The following TNS3 variants were observed in gnomAD, a reference collection of about 807,000 sequenced individuals.
TNS3 encodes the protein tensin-3.
TNS3 carries 45 observed loss-of-function variants against 140.9 expected under a neutral mutation model. The ratio of observed to expected loss-of-function variants is 0.32; its 90% CI spans 0.25 to 0.41. The LOEUF is 0.41. Among genes scored for constraint, TNS3 ranks in the 10% least tolerant of loss-of-function variants. TNS3 has a pLI of 1.00. For missense variants in TNS3, 1,716 were observed against 1,906.7 expected (o/e 0.90, Z 1.86); for synonymous variants, 815 against 788.4 (o/e 1.03, Z -0.56).
chr7:47,495,351 AG>A (rs1198616455), intron 3 of TNS3, among the ~76,000 whole-genome samples: 1 of 152,160 alleles, frequency 6.6e-6, no homozygotes, highest in Non-Finnish European at 1.5e-5. Flanking sequence ...CCTGTGGTCT[AG>A]GGGGCTGAGA....
intron 20 of TNS3, among the ~76,000 whole-genome samples, chr7:47,321,322 G>T (rs17594569): frequency 0.058 from 8,851 of 152,116 alleles, 372 homozygotes; most frequent in South Asian, 0.13. Flanking sequence ...TTCTCCTTCA[G>T]GCTGGCTCTA....
At chr7:47,367,869 C>T (rs1790799882) in intron 17 of TNS3, among the ~76,000 whole-genome samples, 1 of 152,234 alleles carries the variant, frequency 6.6e-6, no homozygotes, top group Admixed American at 6.5e-5. Context: ...ACCACGACTG[C>T]TTAATCAATT....
chr7:47,353,723 G>T (rs1789816490), intron 17 of TNS3, among the ~76,000 whole-genome samples: 1 of 151,964 alleles, frequency 6.6e-6, no homozygotes, highest in African/African-American at 2.4e-5. Flanking sequence ...CTGTCCCCTA[G>T]CCTCCCTCCT....
At chr7:47,318,779 C>T (rs10215395) in intron 20 of TNS3, among the ~76,000 whole-genome samples, 40,721 of 151,984 alleles carry the variant, frequency 0.27, 5,798 homozygotes, top group South Asian at 0.34. Flanking sequence ...GAGTGGACAG[C>T]GGTCAGAGAA....
At chr7:47,554,663 T>A (rs1800149577) in intron 1 of TNS3, among the ~76,000 whole-genome samples, 1 of 152,204 alleles carries the variant, frequency 6.6e-6, no homozygotes, top group Non-Finnish European at 1.5e-5. Flanking sequence ...GTGACTGAAT[T>A]GCTGCAATCG....
rs563613784 is a variant in TNS3 at position 47,494,771 on chromosome 7, G to A, written c.-115+12136C>T. On this transcript the variant is annotated intron_variant, in intron 3 of 30. Coordinates refer to ENST00000311160, the MANE Select transcript of TNS3 (RefSeq NM_022748.12). The stretch of plus-strand genomic sequence containing the variant: ...GGGAGGCGGAGAGAGGGCGCCCCGC[G>A]AGCTATTTCTGTGCTTGACAGAAAA... Among the ~76,000 whole-genome samples, 20 of 152,002 alleles carry A rather than the reference G, an allele frequency of 1.3e-4. No individual in the cohort carries two copies. In the East Asian group the frequency reaches 1.4e-3, roughly 10 times the overall value.
rs117442925 is a variant in TNS3, at chr7:47,436,841, C to T, written c.201+422G>A. 9.9e-5 allele frequency among the ~76,000 whole-genome samples: 15 copies of T among 152,070 alleles called. No homozygotes were observed. In the East Asian group the frequency reaches 2.3e-3, roughly 24 times the overall value. ...AGTATATATGAAAGATCCCAGGAGG[C>T]GGGAGGAGGAAGCATCATGTGTATA... On this transcript the variant is annotated intron_variant, in intron 7 of 30. Transcript: ENST00000311160.
At chr7:47,389,675 G>A (rs563158646) in intron 16 of TNS3, among the ~76,000 whole-genome samples, 1 of 152,366 alleles carries the variant, frequency 6.6e-6, no homozygotes, top group Non-Finnish European at 1.5e-5. Context: ...GGTTTTAACA[G>A]AGGGTACGCC....
At chr7:47,524,717 G>A (rs1799118380) in intron 2 of TNS3, among the ~76,000 whole-genome samples, 2 of 147,798 alleles carry the variant, frequency 1.4e-5, no homozygotes, top group South Asian at 2.2e-4. Context: ...CAGGAGAATG[G>A]CGTGAACCCG....
chr7:47,443,484 G>A (rs150452715), intron 4 of TNS3, among the ~76,000 whole-genome samples: 1 of 152,148 alleles, frequency 6.6e-6, no homozygotes, highest in African/African-American at 2.4e-5. Flanking sequence ...TCACAGCTCA[G>A]ACTAGACAGC....
chr7:47,481,062 T>C, intron 4 of TNS3, 41 bp downstream of exon 4: 1 of 1,287,464 alleles, frequency 7.8e-7, no homozygotes, highest in South Asian at 1.2e-5. Flanking sequence ...TAGTCCTTTC[T>C]TGGATGGAAC....
At chr7:47,381,740 A>G (rs1446617011) in intron 16 of TNS3, among the ~76,000 whole-genome samples, 2 of 152,200 alleles carry the variant, frequency 1.3e-5, no homozygotes, top group East Asian at 1.9e-4. Context: ...GGGAGAAACA[A>G]TCTCTTTTAT....
intron 28 of TNS3, among the ~76,000 whole-genome samples, chr7:47,280,848 G>C (rs1785107638): frequency 6.6e-6 from 1 of 152,156 alleles, no homozygotes; most frequent in Non-Finnish European, 1.5e-5. Context: ...GGGAGGCAGA[G>C]GTTGCAGTGG....
intron 30 of TNS3, 194 bp from the exon 31 acceptor site, chr7:47,278,414 G>T: frequency 1.6e-6 from 1 of 615,458 alleles, no homozygotes; most frequent in East Asian, 2.8e-5. Context: ...CAGATGGGAT[G>T]TCTGACTCTA....
At chr7:47,573,886 T>C (rs1800614471) in intron 1 of TNS3, among the ~76,000 whole-genome samples, 1 of 152,230 alleles carries the variant, frequency 6.6e-6, no homozygotes, top group Admixed American at 6.5e-5. Flanking sequence ...CTGTTGACAT[T>C]CCTGATTTGG....
At chr7:47,376,752 C>T (rs1791411057) in intron 16 of TNS3, among the ~76,000 whole-genome samples, 1 of 152,148 alleles carries the variant, frequency 6.6e-6, no homozygotes, top group East Asian at 1.9e-4. Flanking sequence ...CACACACACA[C>T]ACAAACTCAT....
intron 3 of TNS3, among the ~76,000 whole-genome samples, chr7:47,490,330 A>G (rs900919366): frequency 1.3e-5 from 2 of 152,258 alleles, no homozygotes; most frequent in Non-Finnish European, 2.9e-5. Flanking sequence ...ATTTTAATTC[A>G]TCAGAAGAGA....
Position 47,344,735 on chromosome 7 carries a change from C to A in TNS3, c.2650+20G>T. 1 of 1,607,722 alleles carries A rather than the reference C, an allele frequency of 6.2e-7. No homozygotes were observed. Among genetic ancestry groups the A allele is most frequent in the Non-Finnish European group, 8.5e-7 (1 of 1,177,250 alleles). On this transcript the variant is annotated intron_variant, in intron 20 of 30. Transcript: ENST00000311160. ...GCGCCTGAGTGCCGCGCGCCTGTGA[C>A]CCGCGGGTAGATTTCTTACCACGTC...
chr7:47,502,370 G>T (rs928918908), intron 3 of TNS3, among the ~76,000 whole-genome samples: 1 of 152,304 alleles, frequency 6.6e-6, no homozygotes, highest in Admixed American at 6.5e-5. Flanking sequence ...TATCAGTTAG[G>T]CCACTGAGCG....
Sources: gnomAD v4.1 joint callset for allele counts (sites outside exome capture counted in the v4.1 genomes callset) on GRCh38, gnomAD v4.1.1 for gene constraint, MANE v1.5 for transcripts, NCBI Gene and HGNC (gene_info 2026-07-23, HGNC 2026-07-21) for gene names.